The following SRPK2 variants were observed in gnomAD, a reference collection of about 807,000 sequenced individuals.
SRPK2 encodes SFRS protein kinase 2.
Under a neutral mutation model 90.8 loss-of-function variants are expected in SRPK2, and 21 were observed. The ratio of observed to expected loss-of-function variants is 0.23; its 90% CI spans 0.16 to 0.33. SRPK2 has a LOEUF of 0.33. Ranked by LOEUF, SRPK2 falls within the 10% of genes least tolerant of loss-of-function variation. The pLI, the probability that SRPK2 is intolerant of heterozygous loss-of-function variation, is 1.00. For missense variants in SRPK2, 620 were observed against 869.0 expected (o/e 0.71, Z 3.60); for synonymous variants, 288 against 311.1 (o/e 0.93, Z 0.78).
intron 2 of SRPK2, among the ~76,000 whole-genome samples, chr7:105,250,766 G>A (rs965797251): frequency 2.6e-5 from 4 of 152,112 alleles, no homozygotes; most frequent in African/African-American, 7.2e-5. Context: ...CCAAAGAATC[G>A]GAAAACCTTT....
At chr7:105,160,661 G>T in intron 6 of SRPK2, 48 bp from the exon 7 acceptor site, 3 of 1,120,492 alleles carry the variant, frequency 2.7e-6, no homozygotes, top group Non-Finnish European at 4.1e-6. Context: ...CTGGAGTGAG[G>T]CAGTTATTGA....
chr7:105,398,758 A>T (rs1822395578), intron 1 of SRPK2, among the ~76,000 whole-genome samples: 1 of 152,242 alleles, frequency 6.6e-6, no homozygotes, highest in African/African-American at 2.4e-5. Context: ...CCATCATAAT[A>T]GTGTAACATA....
chr7:105,301,457 C>G (rs929037128), intron 2 of SRPK2: 1 of 898,392 alleles, frequency 1.1e-6, no homozygotes, highest in African/African-American at 1.6e-5. Context: ...GGGCCGCTGC[C>G]CTCGCTTTGT....
chr7:105,244,545 G>A (rs1563136357), intron 2 of SRPK2: 3 of 547,324 alleles, frequency 5.5e-6, no homozygotes, highest in Non-Finnish European at 9.9e-6. Flanking sequence ...CTGCACTCCC[G>A]CCTGGGCGAC....
At chr7:105,305,400 T>C (rs1382221800) in intron 2 of SRPK2, among the ~76,000 whole-genome samples, 1 of 145,176 alleles carries the variant, frequency 6.9e-6, no homozygotes, top group Admixed American at 7.0e-5. Flanking sequence ...GAGCCGAGAC[T>C]GTGCCACACA....
chr7:105,121,074 A>G (rs1193695528), intron 15 of SRPK2, among the ~76,000 whole-genome samples: 2 of 152,200 alleles, frequency 1.3e-5, no homozygotes, highest in African/African-American at 4.8e-5. Flanking sequence ...TCGGCCGGGC[A>G]CGGTGGCTCA....
In SRPK2 at chr7:105,338,293, T is replaced by A. The variant is rs570858919; in HGVS notation, c.71+50355A>T. On this transcript the variant is annotated intron_variant, in intron 2 of 15. Coordinates refer to ENST00000393651, the MANE Select transcript of SRPK2 (RefSeq NM_182692.3). ...TTTGAGACAGTCTCCCAGGCTGCAG[T>A]AGCATGATCTCCGCTCACTGCAACC... Among the ~76,000 whole-genome samples the A allele has an allele frequency of 8.5e-4, 130 of 152,298 alleles. 1 individual carries two copies. The highest frequency in any genetic ancestry group is 1.5e-3 in the Non-Finnish European group (100 of 68,016).
intron 2 of SRPK2, among the ~76,000 whole-genome samples, chr7:105,342,423 T>G (rs1442929034): frequency 6.6e-6 from 1 of 152,014 alleles, no homozygotes; most frequent in Non-Finnish European, 1.5e-5. Context: ...TTCCTAGGAC[T>G]GTCCAGCTTA....
intron 2 of SRPK2, among the ~76,000 whole-genome samples, chr7:105,293,503 C>T (rs758415888): frequency 1.8e-4 from 28 of 151,812 alleles, no homozygotes; most frequent in Non-Finnish European, 3.1e-4. Flanking sequence ...CCACCCCCCA[C>T]CCCGCCCCGG....
chr7:105,324,731 A>G (rs1302394447), intron 2 of SRPK2, among the ~76,000 whole-genome samples: 1 of 152,138 alleles, frequency 6.6e-6, no homozygotes, highest in Non-Finnish European at 1.5e-5. Flanking sequence ...TACTAAAAAT[A>G]CAAAAATTAG....
intron 2 of SRPK2, among the ~76,000 whole-genome samples, chr7:105,385,593 C>A (rs1192250496): frequency 6.6e-6 from 1 of 152,160 alleles, no homozygotes; most frequent in Admixed American, 6.5e-5. Context: ...CTGGGCCACT[C>A]AGGCCACTCT....
chr7:105,293,501 C>T (rs563376483), intron 2 of SRPK2, among the ~76,000 whole-genome samples: 2 of 152,126 alleles, frequency 1.3e-5, no homozygotes, highest in African/African-American at 4.8e-5. Flanking sequence ...CTCCACCCCC[C>T]ACCCCGCCCC....
chr7:105,330,604 G>A (rs1814196232), intron 2 of SRPK2, among the ~76,000 whole-genome samples: 2 of 152,124 alleles, frequency 1.3e-5, no homozygotes, highest in Non-Finnish European at 2.9e-5. Context: ...TCGATAATTT[G>A]TTAGATTAAA....
At chr7:105,287,876 T>A (rs747836174) in intron 2 of SRPK2, among the ~76,000 whole-genome samples, 5 of 152,344 alleles carry the variant, frequency 3.3e-5, no homozygotes, top group South Asian at 2.1e-4. Context: ...AACTAAAATG[T>A]ATATTTTAAA....
intron 3 of SRPK2, among the ~76,000 whole-genome samples, chr7:105,182,374 A>G (rs1167139216): frequency 6.6e-6 from 1 of 152,106 alleles, no homozygotes; most frequent in Non-Finnish European, 1.5e-5. Flanking sequence ...TGAGAAAGAA[A>G]ACAAGAATGG....
intron 2 of SRPK2, among the ~76,000 whole-genome samples, chr7:105,343,751 T>A (rs1354483110): frequency 6.6e-6 from 1 of 152,146 alleles, no homozygotes; most frequent in Non-Finnish European, 1.5e-5. Context: ...GTTTACAATG[T>A]CATATCTTTT....
intron 2 of SRPK2, among the ~76,000 whole-genome samples, chr7:105,340,397 TCC>T (rs1230762950): frequency 1.3e-4 from 19 of 146,016 alleles, no homozygotes; most frequent in African/African-American, 4.0e-4. Flanking sequence ...TTCTTTTCTC[TCC>T]TTTTTTTTTT....
intron 2 of SRPK2, among the ~76,000 whole-genome samples, chr7:105,311,716 T>A (rs189736802): frequency 6.6e-6 from 1 of 152,324 alleles, no homozygotes; most frequent in Admixed American, 6.5e-5. Context: ...TGTAGAAAAC[T>A]GGAACCCTTG....
At chr7:105,274,931 T>C (rs1806289319) in intron 2 of SRPK2, among the ~76,000 whole-genome samples, 2 of 151,704 alleles carry the variant, frequency 1.3e-5, no homozygotes, top group South Asian at 4.2e-4. Flanking sequence ...TCTCACTCTG[T>C]CGCCCAAGCT....
Sources: gnomAD v4.1 joint callset for allele counts (sites outside exome capture counted in the v4.1 genomes callset) on GRCh38, gnomAD v4.1.1 for gene constraint, MANE v1.5 for transcripts, NCBI Gene and HGNC (gene_info 2026-07-23, HGNC 2026-07-21) for gene names.